GFRA3: variants seen among roughly 807,000 people sequenced by gnomAD.
GFRA3 encodes GDNF family receptor alpha 3.
In GFRA3, 24 loss-of-function variants were observed where a neutral mutation model predicts 40.0. That is an observed-to-expected ratio of 0.60 (90% CI 0.43 to 0.84). The LOEUF (loss-of-function observed/expected upper bound fraction) is 0.84, where lower values mean the gene tolerates loss of function less well. GFRA3 is among the 40% of genes least tolerant of loss of function. The pLI, the probability that GFRA3 is intolerant of heterozygous loss-of-function variation, is 0.00. For missense variants in GFRA3, 405 were observed against 530.6 expected (o/e 0.76, Z 2.33); for synonymous variants, 203 against 213.5 (o/e 0.95, Z 0.43).
intron 1 of GFRA3, 79 bp downstream of exon 1, chr5:138,274,255 G>T: frequency 7.7e-7 from 1 of 1,304,300 alleles, no homozygotes; most frequent in Non-Finnish European, 9.8e-7. Flanking sequence ...GCCCTCTCCG[G>T]ACAGGTGCCC....
Position 138,252,854 on chromosome 5 carries a change from GTGCCCTCATC to G in GFRA3, c.*104_*113del, listed in dbSNP as rs1755567686. The G allele has an allele frequency of 1.6e-6, 1 of 638,462 alleles. No individual in the cohort carries two copies. Among genetic ancestry groups the G allele is most frequent in the African/African-American group, 1.8e-5 (1 of 55,158 alleles). The allele number at this position is 638,462 out of a possible 1,614,324, so 39.5% of individuals were successfully genotyped here. A position where few individuals can be genotyped will look rare whatever the true frequency, so the allele number is the denominator to read the frequency against. On this transcript the variant is annotated 3_prime_UTR_variant, in exon 8 of 8. Coordinates refer to ENST00000274721, the MANE Select transcript of GFRA3 (RefSeq NM_001496.4). Reference sequence around the variant, plus strand: ...GAGGTCATAACCCTTAGCTTCTCCTGTGCCCTCATCTGCGCACTGCACCTCCTTCCTGCTG... The same window carrying G: ...GAGGTCATAACCCTTAGCTTCTCCTGTGCGCACTGCACCTCCTTCCTGCTG...
At chr5:138,258,633 GAA>G (rs1280162067) in intron 3 of GFRA3, among the ~76,000 whole-genome samples, 1 of 152,172 alleles carries the variant, frequency 6.6e-6, no homozygotes, top group East Asian at 1.9e-4. Context: ...TCTGATGGTA[GAA>G]ATGATAACCT....
rs137996062 is a variant in GFRA3, at chr5:138,273,009, G to A, written c.91+1325C>T. Among the ~76,000 whole-genome samples, 463 of 152,282 alleles carry A rather than the reference G, an allele frequency of 3.0e-3. 6 individuals are homozygous for A. The highest frequency in any genetic ancestry group is 0.014 in the Middle Eastern group (4 of 294). On this transcript the variant is annotated intron_variant, in intron 1 of 7. Transcript: ENST00000274721. Reference sequence around the variant, plus strand: ...CCACAACCCAGGTATCCATTTTATAGTTGGATGAACAAAGAAAAGTAATGT... The same window carrying A: ...CCACAACCCAGGTATCCATTTTATAATTGGATGAACAAAGAAAAGTAATGT...
At chr5:138,268,513 G>A (rs1755821154) in intron 1 of GFRA3, among the ~76,000 whole-genome samples, 1 of 151,780 alleles carries the variant, frequency 6.6e-6, no homozygotes, top group Non-Finnish European at 1.5e-5. Flanking sequence ...CCCACAGAGT[G>A]GGAGAAAATT....
In GFRA3 at chr5:138,256,091, C is replaced by T. The variant is rs557544401; in HGVS notation, c.785+1548G>A. Among the ~76,000 whole-genome samples the T allele has an allele frequency of 5.3e-4, 80 of 151,178 alleles. 1 individual carries two copies. The highest frequency in any genetic ancestry group is 1.8e-3 in the African/African-American group (76 of 41,198). ...GAAAATACAAAAAAAATTAGCTGGG[C>T]GTGGTGGCAGGCGCCTGTAATCCCA... On this transcript the variant is annotated intron_variant, in intron 4 of 7. Transcript: ENST00000274721.
At position 138,254,078 on chromosome 5, in the gene GFRA3, G is replaced by A. The variant is rs1371452874; in HGVS notation, c.868C>T (p.Arg290Ter). The change falls in exon 5 of 8, where the codon CGA (arginine) becomes TGA (stop). Residue 290 changes from arginine (R) to a stop codon, truncating the protein, a stop_gained. Transcript: ENST00000274721. LOFTEE classifies it high-confidence loss of function. ...TCATEQSRCL[R>*]AYLGLIGTAM... ...TCACCAATCAGCCCCAGGTATGCTCGTAGACATCTGGACTGCTCTGTTGCA... is the reference window on the plus strand; with the variant it reads ...TCACCAATCAGCCCCAGGTATGCTCATAGACATCTGGACTGCTCTGTTGCA... 3 of 1,611,056 alleles carry A rather than the reference G, an allele frequency of 1.9e-6. No individual in the cohort carries two copies. The highest frequency in any genetic ancestry group is 2.7e-5 in the African/African-American group (2 of 74,818).
At chr5:138,272,456 G>A (rs113561046) in intron 1 of GFRA3, among the ~76,000 whole-genome samples, 60 of 148,082 alleles carry the variant, frequency 4.1e-4, no homozygotes, top group East Asian at 1.2e-3. Flanking sequence ...CTGGGCATCC[G>A]AGATGGCAAA....
intron 1 of GFRA3, among the ~76,000 whole-genome samples, chr5:138,266,091 C>T (rs1755778639): frequency 6.6e-6 from 1 of 152,164 alleles, no homozygotes; most frequent in South Asian, 2.1e-4. Flanking sequence ...ACTTGGGTTG[C>T]TTCCACCTTT....
At chr5:138,274,267 G>C (rs1755917060) in intron 1 of GFRA3, 67 bp downstream of exon 1, 3 of 1,306,348 alleles carry the variant, frequency 2.3e-6, no homozygotes, top group South Asian at 5.8e-5. Flanking sequence ...CAGGTGCCCC[G>C]GGCCTCGCCT....
Position 138,252,552 on chromosome 5 carries a change from G to C in GFRA3, c.*416C>G, listed in dbSNP as rs1476066220. On this transcript the variant is annotated 3_prime_UTR_variant, in exon 8 of 8. Transcript: ENST00000274721. ...TCCTCCACTCAGAGGAGGAGACGAG[G>C]GGGCAGGAGCCTTCTTCACAAAGGA... 2 of 161,662 alleles carry C rather than the reference G, an allele frequency of 1.2e-5. No homozygotes were observed. Among genetic ancestry groups the C allele is most frequent in the Non-Finnish European group, 2.7e-5 (2 of 73,622 alleles). 10.0% of individuals were successfully genotyped at this position (161,662 alleles called of 1,614,324 possible).
chr5:138,264,572 G>C (rs1385061762), intron 1 of GFRA3, 24 bp from the exon 2 acceptor site: 4 of 1,521,356 alleles, frequency 2.6e-6, no homozygotes, highest in Non-Finnish European at 3.6e-6. Flanking sequence ...TACCAGGTGA[G>C]GCTACGTAAG....
chr5:138,263,682 A>G (rs1276975509), intron 2 of GFRA3, among the ~76,000 whole-genome samples: 2 of 152,240 alleles, frequency 1.3e-5, no homozygotes, highest in African/African-American at 4.8e-5. Context: ...CCCATGAAAG[A>G]GCCAATACAG....
chr5:138,266,039 C>T (rs1026937735), intron 1 of GFRA3, among the ~76,000 whole-genome samples: 5 of 152,128 alleles, frequency 3.3e-5, no homozygotes, highest in African/African-American at 9.7e-5. Context: ...TTCATTATAT[C>T]GATATGCTAC....
Position 138,271,903 on chromosome 5 carries a change from TTTTTTTTTTTTGTGTG to T in GFRA3, c.91+2415_91+2430del, listed in dbSNP as rs1349067811. On this transcript the variant is annotated intron_variant, in intron 1 of 7. Transcript: ENST00000274721. ...GTATTTTCTTTTCTGTTTTTTTTTT[TTTTTTTTTTTTGTGTG>T]TGTGTGTGTGTGTGTGTGTGTGTGT... Among the ~76,000 whole-genome samples, 13 of 95,004 alleles carry T rather than the reference TTTTTTTTTTTTGTGTG, an allele frequency of 1.4e-4. No individual in the cohort carries two copies. The East Asian group carries it at 4.2e-3, about 31-fold the overall frequency. The allele number at this position is 95,004 out of a possible 152,430, so 62.3% of individuals were successfully genotyped here.
rs1384050165 is a variant in GFRA3, at chr5:138,265,338, T to A, written c.92-790A>T. ...TTCAAGCGATTCTCCTGCCTCAGCC[T>A]CCCGTGTAGCTGGGATTACAGGCGT... On this transcript the variant is annotated intron_variant, in intron 1 of 7. Coordinates refer to ENST00000274721, the MANE Select transcript of GFRA3 (RefSeq NM_001496.4). Among the ~76,000 whole-genome samples the A allele has an allele frequency of 2.7e-5, 4 of 147,092 alleles. No individual in the cohort carries two copies. The East Asian group carries it at 8.5e-4, about 31-fold the overall frequency.
intron 1 of GFRA3, among the ~76,000 whole-genome samples, chr5:138,273,254 A>G (rs1755902472): frequency 6.6e-6 from 1 of 152,098 alleles, no homozygotes; most frequent in Admixed American, 6.5e-5. Flanking sequence ...TCTACATGGT[A>G]CCTCCTAGAT....
At chr5:138,274,245 G>A (rs953929707) in intron 1 of GFRA3, 89 bp downstream of exon 1, 21 of 1,297,832 alleles carry the variant, frequency 1.6e-5, no homozygotes, top group Middle Eastern at 2.1e-4. Context: ...AGGCTGCTGC[G>A]CCCTCTCCGG....
intron 1 of GFRA3, among the ~76,000 whole-genome samples, chr5:138,270,715 AG>A (rs1237495838): frequency 1.3e-5 from 2 of 152,158 alleles, no homozygotes; most frequent in East Asian, 3.9e-4. Flanking sequence ...CCTATGGAAA[AG>A]AAAAAGTATA....
chr5:138,272,407 A>G (rs547357984), intron 1 of GFRA3, among the ~76,000 whole-genome samples: 1 of 149,842 alleles, frequency 6.7e-6, no homozygotes, highest in East Asian at 2.0e-4. Context: ...TGGGAGGCCA[A>G]GGTGGGCAGA....
Sources: gnomAD v4.1 joint callset for allele counts (sites outside exome capture counted in the v4.1 genomes callset) on GRCh38, gnomAD v4.1.1 for gene constraint, MANE v1.5 for transcripts, NCBI Gene and HGNC (gene_info 2026-07-23, HGNC 2026-07-21) for gene names.